The following PBX1 variants were observed in gnomAD, a reference collection of about 807,000 sequenced individuals.
The protein encoded by PBX1 is PBX homeobox 1.
In PBX1, 6 loss-of-function variants were observed where a neutral mutation model predicts 53.4. The observed-to-expected ratio is 0.11, with a 90% CI of 0.06 to 0.22. The LOEUF (loss-of-function observed/expected upper bound fraction) is 0.22, where lower values mean the gene tolerates loss of function less well. Ranked by LOEUF, PBX1 falls within the 10% of genes least tolerant of loss-of-function variation. The probability of loss-of-function intolerance (pLI) is 1.00; values close to 1 mark genes in which losing one functional copy is unlikely to be tolerated. For missense variants in PBX1, 251 were observed against 551.4 expected (o/e 0.46, Z 5.46); for synonymous variants, 204 against 212.3 (o/e 0.96, Z 0.34).
chr1:164,732,446 A>T (rs567529166), intron 2 of PBX1, among the ~76,000 whole-genome samples: 1 of 152,228 alleles, frequency 6.6e-6, no homozygotes, highest in Non-Finnish European at 1.5e-5. Flanking sequence ...AATTCTTGAA[A>T]TCAATCTCCT....
At chr1:164,658,979 G>A (rs1260564060) in intron 2 of PBX1, among the ~76,000 whole-genome samples, 3 of 152,052 alleles carry the variant, frequency 2.0e-5, no homozygotes, top group East Asian at 1.9e-4. Flanking sequence ...ATTTCCAGTC[G>A]TTGTCCATTC....
At chr1:164,785,094 G>A (rs1265127850) in intron 2 of PBX1, among the ~76,000 whole-genome samples, 4 of 152,152 alleles carry the variant, frequency 2.6e-5, no homozygotes, top group African/African-American at 9.7e-5. Flanking sequence ...TGAAGAGGCC[G>A]CTCCAGGCCT....
chr1:164,759,326 G>T (rs1666689469), intron 2 of PBX1, among the ~76,000 whole-genome samples: 1 of 152,066 alleles, frequency 6.6e-6, no homozygotes, highest in African/African-American at 2.4e-5. Context: ...GGGAAAGAAT[G>T]GCTCATTCCA....
chr1:164,688,640 T>A (rs1475390816), intron 2 of PBX1, among the ~76,000 whole-genome samples: 1 of 152,084 alleles, frequency 6.6e-6, no homozygotes, highest in Non-Finnish European at 1.5e-5. Context: ...CTCTTACACC[T>A]CTTTTTTAAG....
chr1:164,589,552 T>G (rs1655213745), intron 2 of PBX1, among the ~76,000 whole-genome samples: 1 of 151,964 alleles, frequency 6.6e-6, no homozygotes, highest in Non-Finnish European at 1.5e-5. Flanking sequence ...TCTTCCAGAG[T>G]GCTAAATGAT....
chr1:164,571,043 G>C lies in PBX1; in HGVS notation c.265+7732G>C, dbSNP rs1653813925. ...TGTCTGTTCATATCCTTCACCCACT[G>C]TTTGATAGAAGACAACCTGACCTTT... On this transcript the variant is annotated intron_variant, in intron 2 of 8. Transcript: ENST00000420696. Among the ~76,000 whole-genome samples the C allele has an allele frequency of 2.6e-5, 4 of 152,090 alleles. No homozygotes were observed. In the South Asian group the frequency reaches 8.3e-4, roughly 32 times the overall value.
At chr1:164,590,568 C>T in intron 2 of PBX1, 2 of 435,156 alleles carry the variant, frequency 4.6e-6, no homozygotes, top group Non-Finnish European at 9.3e-6. Context: ...GCATTGTGAC[C>T]AGGAGATCTA....
intron 2 of PBX1, among the ~76,000 whole-genome samples, chr1:164,745,801 C>T (rs373480667): frequency 1.3e-3 from 199 of 152,290 alleles, no homozygotes; most frequent in African/African-American, 4.6e-3. Flanking sequence ...TCTCTTAATT[C>T]TGCTGTGTGC....
At chr1:164,870,026 C>T (rs761602868) in intron 2 of PBX1, among the ~76,000 whole-genome samples, 19 of 152,184 alleles carry the variant, frequency 1.2e-4, no homozygotes, top group African/African-American at 2.6e-4. Context: ...GCCAGGACTA[C>T]GAATTCTACT....
chr1:164,820,313 C>T, intron 7 of PBX1, 129 bp downstream of exon 7: 1 of 590,566 alleles, frequency 1.7e-6, no homozygotes, highest in Non-Finnish European at 3.0e-6. Context: ...TTACCAACGA[C>T]CGAACCAAAA....
At chr1:164,811,561 A>C (rs1669612831) in intron 5 of PBX1, among the ~76,000 whole-genome samples, 1 of 152,202 alleles carries the variant, frequency 6.6e-6, no homozygotes, top group Non-Finnish European at 1.5e-5. Flanking sequence ...ACACGAAAGC[A>C]CCTATATGGA....
intron 2 of PBX1, among the ~76,000 whole-genome samples, chr1:164,572,735 A>G (rs886430935): frequency 3.3e-5 from 5 of 152,182 alleles, no homozygotes; most frequent in Non-Finnish European, 5.9e-5. Context: ...GCTAAAAAAG[A>G]CACTGATGTA....
intron 2 of PBX1, among the ~76,000 whole-genome samples, chr1:164,628,720 CTCTCTT>C (rs1447233140): frequency 2.0e-5 from 3 of 151,842 alleles, no homozygotes; most frequent in Non-Finnish European, 4.4e-5. Context: ...ATCTGTATCT[CTCTCTT>C]TCTCTCTCTA....
chr1:164,660,396 T>TA (rs1660416783), intron 2 of PBX1, among the ~76,000 whole-genome samples: 1 of 152,312 alleles, frequency 6.6e-6, no homozygotes, highest in African/African-American at 2.4e-5. Flanking sequence ...CAGCTGCAGC[T>TA]GACATGGCAG....
intron 2 of PBX1, among the ~76,000 whole-genome samples, chr1:164,598,152 T>G (rs1023066191): frequency 6.6e-6 from 1 of 152,262 alleles, no homozygotes; most frequent in Admixed American, 6.5e-5. Flanking sequence ...ACTCCTAGGA[T>G]AGCAATGTTA....
chr1:164,631,121 G>A (rs939308921), intron 2 of PBX1: 2 of 152,190 alleles, frequency 1.3e-5, no homozygotes, highest in African/African-American at 4.8e-5. Context: ...TTGCAGGTTA[G>A]TGCACATAAT....
chr1:164,808,934 C>T (rs182138653), intron 5 of PBX1, among the ~76,000 whole-genome samples: 2 of 152,224 alleles, frequency 1.3e-5, no homozygotes, highest in East Asian at 1.9e-4. Context: ...TTCTGGGAAA[C>T]GGGAACGTCA....
Position 164,626,658 on chromosome 1 carries a change from C to T in PBX1, c.265+63347C>T, listed in dbSNP as rs148080080. On this transcript the variant is annotated intron_variant, in intron 2 of 8. Transcript: ENST00000420696. Reference sequence around the variant, plus strand: ...CCAGAGATAGGCAACTGCTGTTTTCCCGTCTTAAAACTCTAGAAAACTGGA... The same window carrying T: ...CCAGAGATAGGCAACTGCTGTTTTCTCGTCTTAAAACTCTAGAAAACTGGA... Among the ~76,000 whole-genome samples, 249 of 152,226 alleles carry T rather than the reference C, an allele frequency of 1.6e-3. 4 individuals carry two copies. In the East Asian group the frequency reaches 0.045, roughly 27 times the overall value.
intron 2 of PBX1, among the ~76,000 whole-genome samples, chr1:164,575,074 G>A (rs1028874771): frequency 6.6e-6 from 1 of 152,224 alleles, no homozygotes; most frequent in Admixed American, 6.5e-5. Flanking sequence ...GTGATGGAAT[G>A]CATATGTTGT....
Sources: allele counts gnomAD v4.1 joint callset (sites outside exome capture counted in the v4.1 genomes callset), GRCh38; gene constraint gnomAD v4.1.1; transcripts MANE v1.5; gene names NCBI Gene and HGNC (gene_info 2026-07-23, HGNC 2026-07-21).